Variants in CNKSR2 observed in about 807,000 individuals in gnomAD.
CNKSR2 encodes the protein connector enhancer of kinase suppressor of Ras 2, also known as CNK homolog protein 2.
CNKSR2 carries 14 observed loss-of-function variants against 84.4 expected under a neutral mutation model. That is an observed-to-expected ratio of 0.17 (90% confidence interval 0.11 to 0.26). CNKSR2 has a LOEUF of 0.26. Among genes scored for constraint, CNKSR2 ranks in the 10% least tolerant of loss-of-function variants. CNKSR2 has a pLI of 1.00. For missense variants in CNKSR2, 485 were observed against 771.2 expected, an observed-to-expected ratio of 0.63 and a Z score of 4.40; for synonymous variants, 275 against 277.9, an observed-to-expected ratio of 0.99 and a Z score of 0.10.
intron 13 of CNKSR2, among the ~76,000 whole-genome samples, chrX:21,579,787 C>T (rs764376393): frequency 1.8e-5 from 2 of 111,766 alleles, no homozygotes; most frequent in East Asian, 5.6e-4. Context: ...TATACCCTTC[C>T]TCCAACAGTA....
intron 1 of CNKSR2, among the ~76,000 whole-genome samples, chrX:21,390,960 C>G (rs909274914): frequency 8.9e-6 from 1 of 111,870 alleles, no homozygotes; most frequent in Non-Finnish European, 1.9e-5. Context: ...CAGGACCATG[C>G]AATTCTGAAA....
chrX:21,434,834 G>C (rs183011911), intron 3 of CNKSR2, among the ~76,000 whole-genome samples: 1 of 109,216 alleles, frequency 9.2e-6, no homozygotes, highest in Non-Finnish European at 1.9e-5. Context: ...TATTCTAGAT[G>C]CTGAACTAGA....
chrX:21,403,075 T>C (rs2090213970), intron 1 of CNKSR2, among the ~76,000 whole-genome samples: 1 of 111,388 alleles, frequency 9.0e-6, no homozygotes, highest in South Asian at 3.7e-4. Flanking sequence ...GGTATCTAAG[T>C]GTAAAAATTG....
chrX:21,454,446 T>G (rs923824599), intron 4 of CNKSR2, among the ~76,000 whole-genome samples: 1 of 112,484 alleles, frequency 8.9e-6, no homozygotes, highest in African/African-American at 3.2e-5. Context: ...TCTGCACATT[T>G]TACTAGACTG....
chrX:21,480,383 G>T (rs1273950496), intron 5 of CNKSR2, among the ~76,000 whole-genome samples: 1 of 111,862 alleles, frequency 8.9e-6, no homozygotes, highest in Non-Finnish European at 1.9e-5. Flanking sequence ...CTTCACTCTT[G>T]CTATTTGAAT....
At chrX:21,541,757 C>A (rs186950385) in intron 11 of CNKSR2, among the ~76,000 whole-genome samples, 1 of 111,325 alleles carries the variant, frequency 9.0e-6, no homozygotes, top group Non-Finnish European at 1.9e-5. Flanking sequence ...GAGGTATGTA[C>A]TAATAAAATA....
chrX:21,608,749 T>G (rs764942824), intron 19 of CNKSR2, among the ~76,000 whole-genome samples: 284 of 112,334 alleles, frequency 2.5e-3, no homozygotes, highest in Non-Finnish European at 4.1e-3. Context: ...ATGTATAGTT[T>G]TTAAAGTGAA....
At chrX:21,482,871 A>G (rs1001144813) in intron 5 of CNKSR2, among the ~76,000 whole-genome samples, 7 of 111,742 alleles carry the variant, frequency 6.3e-5, no homozygotes, top group Non-Finnish European at 1.3e-4. Flanking sequence ...AGAGTTTGAC[A>G]TGTAAAGGGA....
chrX:21,411,557 T>C (rs1296772810), intron 1 of CNKSR2, among the ~76,000 whole-genome samples: 2 of 111,299 alleles, frequency 1.8e-5, no homozygotes, highest in Non-Finnish European at 3.8e-5. Context: ...GGTGGCCTTC[T>C]TTCAGTGCCT....
intron 20 of CNKSR2, among the ~76,000 whole-genome samples, chrX:21,617,224 T>C (rs1276773951): frequency 9.0e-6 from 1 of 111,660 alleles, no homozygotes; most frequent in African/African-American, 3.2e-5. Flanking sequence ...TAGCATATTA[T>C]TCATTTCTCC....
intron 1 of CNKSR2, among the ~76,000 whole-genome samples, chrX:21,376,649 A>G (rs1346540262): frequency 8.9e-6 from 1 of 112,413 alleles, no homozygotes. Flanking sequence ...GAGCCAGAGT[A>G]TATACAGGAA....
intron 6 of CNKSR2, chrX:21,495,620 TAA>T (rs1376678830): frequency 2.9e-5 from 3 of 104,539 alleles, no homozygotes; most frequent in Non-Finnish European, 5.8e-5. Context: ...CCGTCTTTAC[TAA>T]AAATACAAAA....
intron 5 of CNKSR2, among the ~76,000 whole-genome samples, chrX:21,485,447 G>A (rs2091373266): frequency 9.1e-6 from 1 of 110,451 alleles, no homozygotes; most frequent in African/African-American, 3.3e-5. Context: ...ATGTGTGTGT[G>A]TATATATATA....
At chrX:21,588,386 G>T (rs2092401328) in intron 13 of CNKSR2, among the ~76,000 whole-genome samples, 1 of 112,109 alleles carries the variant, frequency 8.9e-6, no homozygotes, top group South Asian at 3.6e-4. Flanking sequence ...AGTTTTAATA[G>T]ATTTTCCCAT....
intron 20 of CNKSR2, among the ~76,000 whole-genome samples, chrX:21,632,825 A>T (rs770815248): frequency 2.1e-4 from 24 of 112,053 alleles, no homozygotes; most frequent in South Asian, 1.9e-3. Context: ...AGGAAGAACT[A>T]ATGTAATTTA....
chrX:21,594,236 C>T (rs1341764899), intron 15 of CNKSR2: 1 of 110,935 alleles, frequency 9.0e-6, no homozygotes, highest in African/African-American at 3.3e-5. Context: ...AACCAAATAC[C>T]ACGTGTTCTC....
chrX:21,627,772 A>G (rs762352595), intron 20 of CNKSR2, among the ~76,000 whole-genome samples: 1 of 111,260 alleles, frequency 9.0e-6, no homozygotes, highest in South Asian at 3.8e-4. Flanking sequence ...CCCTCCCACA[A>G]CCCATGGGAA....
At chrX:21,618,836 T>C (rs1314434784) in intron 20 of CNKSR2, among the ~76,000 whole-genome samples, 2 of 112,040 alleles carry the variant, frequency 1.8e-5, no homozygotes, top group African/African-American at 3.2e-5. Context: ...CAGGGTACCA[T>C]GTTAAGAGCC....
chrX:21,546,058 T>A (rs1273180113), intron 11 of CNKSR2, among the ~76,000 whole-genome samples: 1 of 110,479 alleles, frequency 9.1e-6, no homozygotes, highest in Non-Finnish European at 1.9e-5. Context: ...GGAACAAAAC[T>A]GGACGGAAAA....
Sources: gnomAD v4.1 joint callset for allele counts (sites outside exome capture counted in the v4.1 genomes callset) on GRCh38, gnomAD v4.1.1 for gene constraint, MANE v1.5 for transcripts, NCBI Gene and HGNC (gene_info 2026-07-23, HGNC 2026-07-21) for gene names.